RTTN: variants seen among roughly 807,000 people sequenced by gnomAD.
RTTN encodes the protein rotatin.
In RTTN, 182 loss-of-function variants were observed where a neutral mutation model predicts 269.2. The observed-to-expected ratio is 0.68, with a 90% CI of 0.60 to 0.76. The LOEUF (loss-of-function observed/expected upper bound fraction) is 0.76. RTTN is among the 30% of genes least tolerant of loss of function. The pLI, the probability that RTTN is intolerant of heterozygous loss-of-function variation, is 0.00. For missense variants in RTTN, 2,545 were observed against 2,608.6 expected, an observed-to-expected ratio of 0.98 and a Z score of 0.53; for synonymous variants, 1,006 against 963.5, an observed-to-expected ratio of 1.04 and a Z score of -0.82.
chr18:70,092,450 G>A (rs1021735064), intron 29 of RTTN, among the ~76,000 whole-genome samples: 1 of 152,160 alleles, frequency 6.6e-6, no homozygotes, highest in African/African-American at 2.4e-5. Flanking sequence ...TAGACAAAAT[G>A]TAGTTTTCCA....
At chr18:70,022,830 G>T (rs1474068012) in intron 44 of RTTN, among the ~76,000 whole-genome samples, 1 of 151,946 alleles carries the variant, frequency 6.6e-6, no homozygotes, top group African/African-American at 2.4e-5. Flanking sequence ...TTTTCTGCTG[G>T]TTTCTCATCT....
chr18:70,184,903 A>T (rs1422848011), intron 10 of RTTN, among the ~76,000 whole-genome samples: 2 of 151,936 alleles, frequency 1.3e-5, no homozygotes, highest in African/African-American at 4.8e-5. Context: ...ATCAGAAAAA[A>T]AAAACAAGAA....
chr18:70,052,553 A>T (rs1285915382), intron 38 of RTTN, among the ~76,000 whole-genome samples: 1 of 151,770 alleles, frequency 6.6e-6, no homozygotes, highest in Non-Finnish European at 1.5e-5. Context: ...ATTTAAGCTG[A>T]AAATTAAATT....
chr18:70,074,070 C>T lies in RTTN; in HGVS notation c.4565-76G>A, dbSNP rs111880534. ...CAATTAATTAAAAGGGTACGCATTACAGGAAACCAATTCAAAACTAAAGAA... is the reference window on the plus strand; with the variant it reads ...CAATTAATTAAAAGGGTACGCATTATAGGAAACCAATTCAAAACTAAAGAA... On this transcript the variant is annotated intron_variant, in intron 33 of 48. Coordinates refer to ENST00000640769, the MANE Select transcript of RTTN (RefSeq NM_173630.4). The T allele has an allele frequency of 1.4e-5, 14 of 1,013,776 alleles. No homozygotes were observed. The African/African-American group carries it at 1.6e-4, about 12-fold the overall frequency. The allele number at this position is 1,013,776 out of a possible 1,614,324, so 62.8% of individuals were successfully genotyped here.
At chr18:70,114,703 C>T (rs1318635096) in intron 26 of RTTN, 104 bp from the exon 27 acceptor site, 33 of 900,326 alleles carry the variant, frequency 3.7e-5, no homozygotes, top group Non-Finnish European at 5.1e-5. Context: ...GCTATATTAC[C>T]TAACTAGTAG....
intron 25 of RTTN, among the ~76,000 whole-genome samples, chr18:70,125,461 G>A (rs999040380): frequency 4.6e-5 from 7 of 151,692 alleles, no homozygotes; most frequent in African/African-American, 7.3e-5. Flanking sequence ...CCTCTTTTGC[G>A]GAACATTCAT....
intron 32 of RTTN, among the ~76,000 whole-genome samples, chr18:70,075,923 G>A (rs1166377817): frequency 4.6e-5 from 7 of 151,882 alleles, no homozygotes; most frequent in Admixed American, 3.9e-4. Flanking sequence ...ATGAAATAAG[G>A]TGGTCCATAT....
At chr18:70,029,934 G>A (rs1792560069) in intron 42 of RTTN, 78 bp downstream of exon 42, 2 of 959,538 alleles carry the variant, frequency 2.1e-6, no homozygotes, top group Non-Finnish European at 3.3e-6. Flanking sequence ...CTCATTTCAA[G>A]CTCGTGCTCA....
chr18:70,116,860 C>T (rs1301437754), intron 26 of RTTN, among the ~76,000 whole-genome samples: 1 of 151,958 alleles, frequency 6.6e-6, no homozygotes, highest in East Asian at 1.9e-4. Context: ...TGTAGTTCTG[C>T]TGAGCTTCAC....
At chr18:70,006,534 G>T in intron 46 of RTTN, 50 bp from the exon 47 acceptor site, 1 of 1,367,706 alleles carries the variant, frequency 7.3e-7, no homozygotes, top group Non-Finnish European at 1.0e-6. Context: ...ACACTGCATT[G>T]TATTCTTATC....
In RTTN at chr18:70,086,768, T is replaced by C. The variant is rs1374988245; in HGVS notation, c.4303-84A>G. The C allele has an allele frequency of 5.8e-6, 7 of 1,203,314 alleles. No individual in the cohort carries two copies. In the South Asian group the frequency reaches 6.8e-5, roughly 12 times the overall value. The allele number at this position is 1,203,314 out of a possible 1,614,324, so 74.5% of individuals were successfully genotyped here. ...TGCCATCTTGTGGTCATCTCTGAAA[T>C]AACCAATATATTGTAATTAATAGCA... On this transcript the variant is annotated intron_variant, in intron 31 of 48. Coordinates refer to ENST00000640769, the MANE Select transcript of RTTN (RefSeq NM_173630.4).
At chr18:70,109,441 T>C in intron 28 of RTTN, 57 bp downstream of exon 28, 2 of 1,312,222 alleles carry the variant, frequency 1.5e-6, no homozygotes, top group Non-Finnish European at 2.2e-6. Context: ...ACTTGTGGCC[T>C]GGCATAAAGT....
intron 45 of RTTN, chr18:70,019,412 C>T (rs1039425301): frequency 8.5e-5 from 13 of 152,126 alleles, no homozygotes; most frequent in Non-Finnish European, 1.9e-4. Context: ...ATGCTAATCA[C>T]ATATATCCAG....
chr18:70,204,849 G>A (rs549943101), intron 2 of RTTN, among the ~76,000 whole-genome samples: 27 of 152,206 alleles, frequency 1.8e-4, no homozygotes, highest in African/African-American at 6.3e-4. Context: ...AACAAAAACA[G>A]AATACAAATA....
Position 70,024,804 on chromosome 18 carries a change from G to C in RTTN, c.5868C>G (p.Leu1956=). ...EAHLVPVLHS[L]WPWILMDDSL... is the part of the protein sequence containing the mutation. ...AATCATCCATCAAAATCCAAGGCCA[G>C]AGAGAGTGCAAGACAGGGACAAGGT... Residue 1956 remains leucine (L), a synonymous_variant, in exon 44 of 49, where the codon CTC becomes CTG. Coordinates refer to ENST00000640769, the MANE Select transcript of RTTN (RefSeq NM_173630.4). 6.2e-7 allele frequency: 1 copy of C among 1,614,068 alleles called. No homozygotes were observed. Among genetic ancestry groups the C allele is most frequent in the Non-Finnish European group, 8.5e-7 (1 of 1,179,912 alleles).
intron 10 of RTTN, among the ~76,000 whole-genome samples, chr18:70,179,641 C>T (rs2146005814): frequency 6.6e-6 from 1 of 152,256 alleles, no homozygotes; most frequent in East Asian, 1.9e-4. Context: ...GTTTTTACAA[C>T]AGAAGGTACA....
In RTTN at chr18:70,020,610, C is replaced by A. The variant is rs587780443; in HGVS notation, c.6153+5G>T. 1 of 1,610,308 alleles carries A rather than the reference C, an allele frequency of 6.2e-7. No homozygotes were observed. On this transcript the variant is annotated splice_donor_5th_base_variant and intron_variant, in intron 45 of 48. Coordinates refer to ENST00000640769, the MANE Select transcript of RTTN (RefSeq NM_173630.4). ...TTAAGATATGTGGGGAGTTTAAGTG[C>A]GTACCTTCTGAATTACTCCTTTACA... is the stretch of plus-strand genomic sequence containing the variant.
chr18:70,120,986 G>A (rs549767289), intron 26 of RTTN, among the ~76,000 whole-genome samples: 1 of 152,240 alleles, frequency 6.6e-6, no homozygotes, highest in Admixed American at 6.5e-5. Flanking sequence ...AGGAGGCAGA[G>A]GTTGCAGTGA....
At chr18:70,194,185 T>TA (rs1160759858) in intron 7 of RTTN, 1 of 152,204 alleles carries the variant, frequency 6.6e-6, no homozygotes, top group Middle Eastern at 3.2e-3. Context: ...AAAAAGTTAT[T>TA]AGAGATTCAT....
Sources: gnomAD v4.1 joint callset for allele counts (sites outside exome capture counted in the v4.1 genomes callset) on GRCh38, gnomAD v4.1.1 for gene constraint, MANE v1.5 for transcripts, NCBI Gene and HGNC (gene_info 2026-07-23, HGNC 2026-07-21) for gene names.